STARD9: variants seen among roughly 807,000 people sequenced by gnomAD.
The protein encoded by STARD9 is StAR related lipid transfer domain containing 9.
In STARD9, 346 loss-of-function variants were observed where a neutral mutation model predicts 399.8. The observed-to-expected ratio is 0.87, with a 90% CI of 0.79 to 0.95. STARD9 has a LOEUF of 0.95. STARD9 is among the 40% of genes least tolerant of loss of function. STARD9 has a pLI of 0.00. For synonymous variants in STARD9, 2,203 were observed against 2,143.5 expected (o/e 1.03, Z -0.77); for missense variants, 5,832 against 5,667.5 (o/e 1.03, Z -0.93).
At chr15:42,675,998 G>A (rs1243160613) in intron 20 of STARD9, 23 bp downstream of exon 20, 3 of 1,277,396 alleles carry the variant, frequency 2.3e-6, no homozygotes, top group Middle Eastern at 2.0e-4. Flanking sequence ...TGCTTATACT[G>A]ATGTGGAACC....
chr15:42,681,531 C>T lies in STARD9; in HGVS notation c.1984C>T (p.His662Tyr), dbSNP rs1267838411. ...GCAGAGCTACGTAGAGGATTTGAGG[C>T]ATCAAATCCTAGCAGAAGAGATTCG... ...QQQSYVEDLR[H>Y]QILAEEIRAA... Residue 662 changes from histidine (H) to tyrosine (Y), a missense_variant, in exon 21 of 33, where the codon CAT (histidine) becomes TAT (tyrosine). By Grantham distance (83) the His-to-Tyr change is moderately conservative. This residue lies in a region of STARD9 where 5,828 missense variants were observed against 5,651.1 expected (regional missense o/e 1.03). Coordinates refer to ENST00000290607, the MANE Select transcript of STARD9 (RefSeq NM_020759.3). 2.0e-6 allele frequency: 3 copies of T among 1,537,130 alleles called. No individual in the cohort carries two copies. The highest frequency in any genetic ancestry group is 1.2e-5 in the South Asian group (1 of 84,050).
intron 3 of STARD9, among the ~76,000 whole-genome samples, chr15:42,611,692 T>C (rs1021184232): frequency 5.3e-5 from 8 of 152,194 alleles, no homozygotes; most frequent in Non-Finnish European, 1.2e-4. Context: ...TTTATGCTTG[T>C]TGCTGTTGGC....
intron 3 of STARD9, among the ~76,000 whole-genome samples, chr15:42,615,864 A>G (rs1456687694): frequency 2.0e-5 from 3 of 152,216 alleles, no homozygotes; most frequent in East Asian, 1.9e-4. Context: ...CTTTATGTCC[A>G]TGATATGTGA....
chr15:42,682,190 G>A lies in STARD9; in HGVS notation c.2152G>A (p.Glu718Lys), dbSNP rs1050742432. 6.5e-7 allele frequency: 1 copy of A among 1,537,238 alleles called. No homozygotes were observed. Among genetic ancestry groups the A allele is most frequent in the Non-Finnish European group, 8.7e-7 (1 of 1,146,898 alleles). ...AGACCAGGTAGCAGAGAAAGAACTT[G>A]AGGCATCTGTGGCACTTGATGCTTG... ...QEDQVAEKEL[E>K]ASVALDAWLQ... Residue 718 changes from glutamate to lysine, a missense_variant, in exon 22 of 33, where the codon GAG becomes AAG. Transcript: ENST00000290607.
At chr15:42,678,412 C>T (rs2060356555) in intron 20 of STARD9, among the ~76,000 whole-genome samples, 1 of 152,156 alleles carries the variant, frequency 6.6e-6, no homozygotes, top group South Asian at 2.1e-4. Flanking sequence ...GGAAATTGGC[C>T]AGTCTGCCTT....
At chr15:42,589,668 G>A (rs978114506) in intron 3 of STARD9, among the ~76,000 whole-genome samples, 3 of 151,084 alleles carry the variant, frequency 2.0e-5, no homozygotes, top group African/African-American at 4.9e-5. Context: ...GCGCAGTGGT[G>A]CGATCATGGC....
intron 3 of STARD9, among the ~76,000 whole-genome samples, chr15:42,624,745 C>G (rs978246129): frequency 6.6e-6 from 1 of 151,992 alleles, no homozygotes; most frequent in African/African-American, 2.4e-5. Flanking sequence ...GACAGGGTTT[C>G]GCCATGTTGG....
intron 7 of STARD9, 120 bp downstream of exon 7, chr15:42,638,932 T>G: frequency 1.9e-6 from 1 of 531,958 alleles, no homozygotes; most frequent in Non-Finnish European, 3.3e-6. Context: ...GCTACTGTAC[T>G]AGACACTGAA....
chr15:42,610,174 A>AT (rs2058819619), intron 3 of STARD9, among the ~76,000 whole-genome samples: 1 of 152,160 alleles, frequency 6.6e-6, no homozygotes, highest in South Asian at 2.1e-4. Flanking sequence ...CAGCATAACC[A>AT]TTGCTTTATG....
rs960869332 is a variant in STARD9, at chr15:42,689,619, G to A, written c.8041G>A (p.Glu2681Lys). The part of the protein sequence containing the change: ...PAQDRKRRTG[E>K]LRQFAGASEP... The stretch of plus-strand genomic sequence containing the variant: ...TCAAGACAGGAAACGTCGTACTGGA[G>A]AACTGAGGCAGTTCGCGGGAGCAAG... The change falls in exon 23 of 33, where the codon GAA becomes AAA. Residue 2681 changes from glutamate (E) to lysine (K), a missense_variant. Transcript: ENST00000290607. 102 of 1,537,396 alleles carry A rather than the reference G, an allele frequency of 6.6e-5. No homozygotes were observed. The highest frequency in any genetic ancestry group is 8.5e-5 in the Non-Finnish European group (97 of 1,147,000).
intron 26 of STARD9, among the ~76,000 whole-genome samples, chr15:42,699,420 A>C (rs1231175201): frequency 2.2e-5 from 2 of 90,342 alleles, no homozygotes; most frequent in Non-Finnish European, 3.6e-5. Context: ...TTTGAGATGG[A>C]GTCTTGCTCT....
At position 42,691,902 on chromosome 15, in the gene STARD9, G is replaced by A; in HGVS notation, c.10324G>A (p.Gly3442Ser). The change falls in exon 23 of 33, where the codon GGT becomes AGT. Residue 3442 changes from glycine to serine, a missense_variant. Physicochemically the swap from Gly to Ser is moderately conservative, Grantham distance 56. Transcript: ENST00000290607. Reference protein sequence around the residue: ...QAQQGKREKLGVQVRPENWCS... With the variant: ...QAQQGKREKLSVQVRPENWCS... Reference sequence around the variant, plus strand: ...CCAACAGGGAAAGCGAGAGAAACTGGGTGTCCAGGTTAGGCCAGAAAATTG... The same window carrying A: ...CCAACAGGGAAAGCGAGAGAAACTGAGTGTCCAGGTTAGGCCAGAAAATTG... The A allele has an allele frequency of 2.0e-6, 3 of 1,537,242 alleles. No homozygotes were observed. In the South Asian group the frequency reaches 3.6e-5, roughly 18 times the overall value.
At chr15:42,714,910 ATATT>A (rs1235209060) in intron 26 of STARD9, among the ~76,000 whole-genome samples, 1 of 151,312 alleles carries the variant, frequency 6.6e-6, no homozygotes, top group Non-Finnish European at 1.5e-5. Context: ...TAATTTATGG[ATATT>A]TATTTTTGGA....
chr15:42,675,777 C>T (rs2060297876), intron 19 of STARD9, 31 bp downstream of exon 19: 11 of 1,533,636 alleles, frequency 7.2e-6, no homozygotes, highest in African/African-American at 1.4e-5. Flanking sequence ...TAGGTTATTG[C>T]TGGCCTCCCT....
At chr15:42,661,357 T>G in intron 10 of STARD9, 132 bp downstream of exon 10, 1 of 691,714 alleles carries the variant, frequency 1.4e-6, no homozygotes. Context: ...CTTTGAATGC[T>G]AGGTTAAGAA....
intron 3 of STARD9, among the ~76,000 whole-genome samples, chr15:42,634,566 T>G (rs2059386197): frequency 6.6e-6 from 1 of 152,234 alleles, no homozygotes; most frequent in Non-Finnish European, 1.5e-5. Flanking sequence ...TCTTTGCTCT[T>G]CTACACTCTC....
chr15:42,619,407 A>T (rs1055705929), intron 3 of STARD9, among the ~76,000 whole-genome samples: 13 of 151,528 alleles, frequency 8.6e-5, no homozygotes, highest in Admixed American at 6.6e-4. Context: ...ACAAAAAATT[A>T]AAAAAAAATT....
intron 1 of STARD9, 37 bp downstream of exon 1, chr15:42,575,799 A>G: frequency 1.3e-6 from 2 of 1,534,718 alleles, no homozygotes; most frequent in Non-Finnish European, 8.7e-7. Flanking sequence ...GAGGCTTCAC[A>G]GGAGCTGAAA....
In STARD9 at chr15:42,582,323, G is replaced by C. The variant is rs755722649; in HGVS notation, c.48-1023G>C. Among the ~76,000 whole-genome samples the C allele has an allele frequency of 2.8e-4, 42 of 152,332 alleles. No individual in the cohort carries two copies. The Middle Eastern group carries it at 0.01, about 37-fold the overall frequency. ...TAATTGATAACTTTTATTGTTTGTA[G>C]TGGAGGATGTTCTAATTAATTCTCA... On this transcript the variant is annotated intron_variant, in intron 1 of 32. Coordinates refer to ENST00000290607, the MANE Select transcript of STARD9 (RefSeq NM_020759.3).
Sources: gnomAD v4.1 joint callset for allele counts (sites outside exome capture counted in the v4.1 genomes callset) on GRCh38, gnomAD v4.1.1 for gene constraint, gnomAD v4.1.1 regional missense constraint, MANE v1.5 for transcripts, NCBI Gene and HGNC (gene_info 2026-07-23, HGNC 2026-07-21) for gene names.